Variants in PCDH7 observed in about 807,000 individuals in gnomAD.
The protein encoded by PCDH7 is protocadherin-7.
PCDH7 carries 17 observed loss-of-function variants against 58.9 expected under a neutral mutation model. The observed-to-expected ratio is 0.29, with a 90% CI of 0.20 to 0.43. The LOEUF (loss-of-function observed/expected upper bound fraction) is 0.43, where lower values mean the gene tolerates loss of function less well. Among genes scored for constraint, PCDH7 ranks in the 20% least tolerant of loss-of-function variants. The pLI, the probability that PCDH7 is intolerant of heterozygous loss-of-function variation, is 1.00. For synonymous variants in PCDH7, 664 were observed against 616.4 expected (o/e 1.08, Z -1.14); for missense variants, 1,274 against 1,441.0 (o/e 0.88, Z 1.88).
chr4:30,943,936 C>T (rs1578372867), intron 2 of PCDH7, among the ~76,000 whole-genome samples: 1 of 152,020 alleles, frequency 6.6e-6, no homozygotes, highest in South Asian at 2.1e-4. Flanking sequence ...TAGCATATGT[C>T]ATATTAGGGT....
chr4:31,127,283 G>C (rs1718423207), intron 3 of PCDH7, among the ~76,000 whole-genome samples: 1 of 152,180 alleles, frequency 6.6e-6, no homozygotes. Context: ...CTATGGGAAA[G>C]ATGACATTCT....
chr4:31,002,703 A>T (rs969162522), intron 3 of PCDH7, among the ~76,000 whole-genome samples: 4 of 152,208 alleles, frequency 2.6e-5, no homozygotes, highest in Non-Finnish European at 5.9e-5. Flanking sequence ...TGAAATAATT[A>T]TTGCTTGAGG....
intron 3 of PCDH7, among the ~76,000 whole-genome samples, chr4:31,073,310 T>C (rs2109255953): frequency 1.3e-5 from 2 of 152,244 alleles, no homozygotes; most frequent in South Asian, 4.1e-4. Flanking sequence ...ATAAACAAAA[T>C]AGATTGCTGT....
intron 1 of PCDH7, among the ~76,000 whole-genome samples, chr4:30,739,123 A>T (rs1411735401): frequency 2.0e-5 from 3 of 146,836 alleles, no homozygotes; most frequent in Admixed American, 1.4e-4. Context: ...ATATATATAT[A>T]TTTTATATAT....
intron 1 of PCDH7, among the ~76,000 whole-genome samples, chr4:30,752,783 C>CAAAAA (rs35860745): frequency 2.4e-4 from 24 of 99,490 alleles, no homozygotes; most frequent in South Asian, 3.4e-4. Flanking sequence ...CCTGTAGGGG[C>CAAAAA]AAAAAAAAAA....
chr4:31,136,487 C>T (rs1229369815), intron 3 of PCDH7, among the ~76,000 whole-genome samples: 1 of 152,112 alleles, frequency 6.6e-6, no homozygotes, highest in African/African-American at 2.4e-5. Context: ...ACAGATGATG[C>T]CACAGCAAGG....
At chr4:31,068,354 C>A (rs1476724466) in intron 3 of PCDH7, among the ~76,000 whole-genome samples, 2 of 151,292 alleles carry the variant, frequency 1.3e-5, no homozygotes, top group African/African-American at 4.9e-5. Context: ...AAAAAAAATC[C>A]ATCGCATTCA....
intron 2 of PCDH7, among the ~76,000 whole-genome samples, chr4:30,929,682 G>A (rs1303741454): frequency 6.6e-6 from 1 of 152,104 alleles, no homozygotes; most frequent in Non-Finnish European, 1.5e-5. Context: ...CTTCATTTCT[G>A]CTTGAAAATA....
At chr4:31,073,829 C>T (rs1758757536) in intron 3 of PCDH7, among the ~76,000 whole-genome samples, 1 of 152,082 alleles carries the variant, frequency 6.6e-6, no homozygotes, top group Non-Finnish European at 1.5e-5. Context: ...CACTTAAAAT[C>T]CTCCAATCCA....
At chr4:30,786,214 A>G (rs1723370881) in intron 1 of PCDH7, among the ~76,000 whole-genome samples, 1 of 152,068 alleles carries the variant, frequency 6.6e-6, no homozygotes. Flanking sequence ...TTCTATAGAG[A>G]AAGTGAGCTA....
chr4:30,728,277 GTATA>G (rs201692269), intron 1 of PCDH7, among the ~76,000 whole-genome samples: 12,184 of 139,528 alleles, frequency 0.087, 542 homozygotes, highest in South Asian at 0.12. Flanking sequence ...ACATACATAT[GTATA>G]TATATATATA....
Position 31,000,727 on chromosome 4 carries a change from GAAGAA to G in PCDH7, c.*7+50516_*7+50520del, listed in dbSNP as rs1249725233. Among the ~76,000 whole-genome samples, 17 of 151,998 alleles carry G rather than the reference GAAGAA, an allele frequency of 1.1e-4. No individual in the cohort carries two copies. The East Asian group carries it at 2.3e-3, about 21-fold the overall frequency. ...CAAAACATGTGACACAAAGAAAAGA[GAAGAA>G]AAGGACAGAAAAAGAAACAACACAA... is the stretch of plus-strand genomic sequence containing the variant. On this transcript the variant is annotated intron_variant, in intron 3 of 3. Coordinates refer to the PCDH7 transcript ENST00000509759.
Position 31,046,324 on chromosome 4 carries a change from T to C in PCDH7, c.*7+96109T>C, listed in dbSNP as rs1397711577. ...TGCTTGGCTCTGGAGTCAGATTTCT[T>C]GGGCTTAAAATACCAGCTCCATCAG... is the stretch of plus-strand genomic sequence containing the variant. On this transcript the variant is annotated intron_variant, in intron 3 of 3. Coordinates refer to the PCDH7 transcript ENST00000509759. Among the ~76,000 whole-genome samples, 3 of 151,970 alleles carry C rather than the reference T, an allele frequency of 2.0e-5. 1 individual carries two copies. Among genetic ancestry groups the C allele is most frequent in the Non-Finnish European group, 4.4e-5 (3 of 67,934 alleles).
intron 3 of PCDH7, among the ~76,000 whole-genome samples, chr4:31,090,775 T>C (rs1713141503): frequency 6.6e-6 from 1 of 152,084 alleles, no homozygotes; most frequent in Non-Finnish European, 1.5e-5. Flanking sequence ...TTTTTAAAGA[T>C]ATTTCTTGAC....
intron 3 of PCDH7, among the ~76,000 whole-genome samples, chr4:31,062,731 A>G (rs576965888): frequency 1.3e-5 from 2 of 151,918 alleles, no homozygotes; most frequent in South Asian, 4.1e-4. Flanking sequence ...GGCCATACAA[A>G]ATGTAATTTT....
intron 3 of PCDH7, among the ~76,000 whole-genome samples, chr4:31,086,308 G>A (rs572919613): frequency 6.8e-4 from 104 of 152,020 alleles, no homozygotes; most frequent in Non-Finnish European, 6.9e-4. Flanking sequence ...CCTAATTCTT[G>A]ACCTACAGCA....
chr4:31,135,472 CTAGA>C (rs1222490768), intron 3 of PCDH7, among the ~76,000 whole-genome samples: 1 of 152,142 alleles, frequency 6.6e-6, no homozygotes, highest in Non-Finnish European at 1.5e-5. Context: ...GCGTATGTCT[CTAGA>C]TAGATAGTAG....
chr4:30,941,391 G>T (rs1054205007), intron 2 of PCDH7, among the ~76,000 whole-genome samples: 1 of 151,864 alleles, frequency 6.6e-6, no homozygotes, highest in Non-Finnish European at 1.5e-5. Context: ...AAATGGTTTT[G>T]TATAGCTTCC....
At chr4:30,751,881 A>G (rs1178344460) in intron 1 of PCDH7, among the ~76,000 whole-genome samples, 1 of 152,158 alleles carries the variant, frequency 6.6e-6, no homozygotes. Context: ...TAAGGAAAAT[A>G]TTTTCACCAT....
Sources: gnomAD v4.1 joint callset for allele counts (sites outside exome capture counted in the v4.1 genomes callset) on GRCh38, gnomAD v4.1.1 for gene constraint, MANE v1.5 for transcripts, NCBI Gene and HGNC (gene_info 2026-07-23, HGNC 2026-07-21) for gene names.